ARHGEF10L: variants seen among roughly 807,000 people sequenced by gnomAD.
ARHGEF10L encodes Rho guanine nucleotide exchange factor 10 like, also known as rho guanine nucleotide exchange factor 10-like protein.
ARHGEF10L carries 69 observed loss-of-function variants against 141.2 expected under a neutral mutation model. The ratio of observed to expected loss-of-function variants is 0.49; its 90% CI spans 0.40 to 0.60. The LOEUF is 0.60. ARHGEF10L is among the 20% of genes least tolerant of loss of function. The pLI, the probability that ARHGEF10L is intolerant of heterozygous loss-of-function variation, is 0.00. For synonymous variants in ARHGEF10L, 711 were observed against 718.5 expected, an observed-to-expected ratio of 0.99 and a Z score of 0.17; for missense variants, 1,482 against 1,734.3, an observed-to-expected ratio of 0.85 and a Z score of 2.58.
the ARHGEF10L span, among the ~76,000 whole-genome samples, chr1:17,524,683 G>A: frequency 6.6e-6 from 1 of 152,180 alleles, no homozygotes; most frequent in African/African-American, 2.4e-5. Context: ...CTCACTCAAG[G>A]TCACAGGACC....
At chr1:17,609,856 A>G (rs1288866105) in intron 7 of ARHGEF10L, among the ~76,000 whole-genome samples, 3 of 152,186 alleles carry the variant, frequency 2.0e-5, no homozygotes, top group Non-Finnish European at 2.9e-5. Flanking sequence ...AAGGGGCAGC[A>G]TGCACTGCTT....
intron 1 of ARHGEF10L, among the ~76,000 whole-genome samples, chr1:17,574,345 A>C (rs1259935550): frequency 6.6e-6 from 1 of 152,278 alleles, no homozygotes; most frequent in East Asian, 1.9e-4. Flanking sequence ...AGCTATTGTC[A>C]TTTCAAATTT....
At chr1:17,530,181 G>A in the ARHGEF10L span, among the ~76,000 whole-genome samples, 1 of 151,984 alleles carries the variant, frequency 6.6e-6, no homozygotes, top group Non-Finnish European at 1.5e-5. Flanking sequence ...ATGGTGCTGG[G>A]CACACCCTAG....
intron 4 of ARHGEF10L, among the ~76,000 whole-genome samples, chr1:17,599,993 C>A (rs1295483396): frequency 6.6e-6 from 1 of 152,244 alleles, no homozygotes; most frequent in Non-Finnish European, 1.5e-5. Context: ...CAGGAGCATT[C>A]TCGCCACCAC....
At chr1:17,688,258 C>A (rs912031509) in intron 27 of ARHGEF10L, among the ~76,000 whole-genome samples, 1 of 152,200 alleles carries the variant, frequency 6.6e-6, no homozygotes, top group African/African-American at 2.4e-5. Context: ...GCTGGGGCCC[C>A]TCCTGCGTAG....
chr1:17,660,316 G>A (rs2062540230), intron 25 of ARHGEF10L, among the ~76,000 whole-genome samples: 1 of 152,204 alleles, frequency 6.6e-6, no homozygotes, highest in Admixed American at 6.5e-5. Context: ...GCATCAGGCT[G>A]CCGGGATTGA....
intron 1 of ARHGEF10L, among the ~76,000 whole-genome samples, chr1:17,553,821 C>T (rs2077202900): frequency 6.6e-6 from 1 of 152,070 alleles, no homozygotes; most frequent in Non-Finnish European, 1.5e-5. Context: ...TTAATAGCAG[C>T]GTATGATGAC....
At chr1:17,544,842 G>T (rs2076860443) in intron 1 of ARHGEF10L, among the ~76,000 whole-genome samples, 1 of 152,122 alleles carries the variant, frequency 6.6e-6, no homozygotes, top group South Asian at 2.1e-4. Context: ...CACAATCATG[G>T]TAGAAGGCGA....
At position 17,636,134 on chromosome 1, in the gene ARHGEF10L, C is replaced by T. The variant is rs1389455610; in HGVS notation, c.1927+1118C>T. ...TGCACTCCCTCCCCGCCGCTTGGGGCACAGGGTTCCTTTCTGCTGGTCATG... is the reference window on the plus strand; with the variant it reads ...TGCACTCCCTCCCCGCCGCTTGGGGTACAGGGTTCCTTTCTGCTGGTCATG... On this transcript the variant is annotated intron_variant, in intron 18 of 28. Coordinates refer to ENST00000361221, the MANE Select transcript of ARHGEF10L (RefSeq NM_018125.4). 5.9e-5 allele frequency among the ~76,000 whole-genome samples: 9 copies of T among 152,302 alleles called. No individual in the cohort carries two copies. The East Asian group carries it at 1.4e-3, about 23-fold the overall frequency.
At chr1:17,618,843 C>T (rs1013626525) in intron 9 of ARHGEF10L, among the ~76,000 whole-genome samples, 8 of 152,346 alleles carry the variant, frequency 5.3e-5, no homozygotes, top group Non-Finnish European at 1.0e-4. Context: ...TCCTGTTGAA[C>T]TTTTTCCCTT....
chr1:17,634,329 T>G, intron 16 of ARHGEF10L: 1 of 717,974 alleles, frequency 1.4e-6, no homozygotes, highest in Non-Finnish European at 2.5e-6. Flanking sequence ...TCTGGGATCA[T>G]CTAAGCTTCC....
At chr1:17,626,152 C>A in intron 14 of ARHGEF10L, 104 bp downstream of exon 14, 1 of 900,850 alleles carries the variant, frequency 1.1e-6, no homozygotes, top group Non-Finnish European at 1.7e-6. Context: ...TGTCCGTGAT[C>A]CATAACCCAC....
At chr1:17,567,669 A>G (rs2077818328) in intron 1 of ARHGEF10L, among the ~76,000 whole-genome samples, 2 of 152,160 alleles carry the variant, frequency 1.3e-5, no homozygotes, top group South Asian at 4.1e-4. Flanking sequence ...TGACCAGCCT[A>G]GCAGAATATT....
chr1:17,535,390 AGGCCACAGCCTGGTTCTGATCCAT>A (rs2076560421), upstream of ARHGEF10L, among the ~76,000 whole-genome samples: 1 of 152,218 alleles, frequency 6.6e-6, no homozygotes, highest in African/African-American at 2.4e-5. Context: ...GGTTCCTAAC[AGGCCACAGCCTGGTTCTGATCCAT>A]GGCCTGAGGG....
upstream of ARHGEF10L, among the ~76,000 whole-genome samples, chr1:17,534,744 C>G (rs1231806385): frequency 3.3e-5 from 5 of 151,870 alleles, no homozygotes; most frequent in Non-Finnish European, 5.9e-5. Flanking sequence ...CATGTGCCAC[C>G]ATGCCTGGCT....
intron 25 of ARHGEF10L, among the ~76,000 whole-genome samples, chr1:17,662,402 G>A (rs936564992): frequency 1.1e-3 from 161 of 152,264 alleles, no homozygotes; most frequent in African/African-American, 3.7e-3. Context: ...GGGAAACTGA[G>A]GTCCAGAGAG....
chr1:17,566,785 G>T (rs1298874191), intron 1 of ARHGEF10L, among the ~76,000 whole-genome samples: 3 of 152,200 alleles, frequency 2.0e-5, no homozygotes, highest in African/African-American at 7.2e-5. Flanking sequence ...ATGACCAGGG[G>T]ACCAAGTGCT....
chr1:17,655,375 TCCAC>T (rs2062164583), intron 23 of ARHGEF10L, among the ~76,000 whole-genome samples: 1 of 152,148 alleles, frequency 6.6e-6, no homozygotes, highest in East Asian at 1.9e-4. Flanking sequence ...TGTCCATCCA[TCCAC>T]CCACCCACCC....
chr1:17,596,139 T>C (rs1367079209), intron 4 of ARHGEF10L, among the ~76,000 whole-genome samples: 3 of 152,206 alleles, frequency 2.0e-5, no homozygotes, highest in Non-Finnish European at 4.4e-5. Context: ...TCAGAGTCTC[T>C]GGGGCGGGGG....
Sources: gnomAD v4.1 joint callset for allele counts (sites outside exome capture counted in the v4.1 genomes callset) on GRCh38, gnomAD v4.1.1 for gene constraint, MANE v1.5 for transcripts, NCBI Gene and HGNC (gene_info 2026-07-23, HGNC 2026-07-21) for gene names.